AKAP6: variants seen among roughly 807,000 people sequenced by gnomAD.
AKAP6 encodes the protein A-kinase anchoring protein 6, also known as A-kinase anchor protein 6.
In AKAP6, 58 loss-of-function variants were observed where a neutral mutation model predicts 188.5. That is an observed-to-expected ratio of 0.31 (90% CI 0.25 to 0.38). The LOEUF is 0.38. AKAP6 is among the 10% of genes least tolerant of loss of function. The pLI is 1.00. For synonymous variants in AKAP6, 989 were observed against 998.6 expected, an observed-to-expected ratio of 0.99 and a Z score of 0.18; for missense variants, 2,710 against 2,740.0, an observed-to-expected ratio of 0.99 and a Z score of 0.24.
intron 12 of AKAP6, among the ~76,000 whole-genome samples, chr14:32,790,157 C>T (rs536021522): frequency 3.5e-4 from 53 of 152,116 alleles, no homozygotes; most frequent in African/African-American, 1.3e-3. Flanking sequence ...ATAATACAGG[C>T]AGACAAGAAT....
chr14:32,411,911 C>G (rs1889500351), intron 1 of AKAP6, among the ~76,000 whole-genome samples: 1 of 150,282 alleles, frequency 6.7e-6, no homozygotes. Flanking sequence ...TTTTTCTTCT[C>G]TAATATGTTT....
chr14:32,717,489 T>G (rs988060193), intron 9 of AKAP6, among the ~76,000 whole-genome samples: 2 of 152,082 alleles, frequency 1.3e-5, no homozygotes, highest in African/African-American at 4.8e-5. Context: ...TGGTGAAACC[T>G]TTGTAACTTC....
intron 12 of AKAP6, among the ~76,000 whole-genome samples, chr14:32,814,991 T>A (rs1451199478): frequency 6.6e-6 from 1 of 152,220 alleles, no homozygotes; most frequent in African/African-American, 2.4e-5. Flanking sequence ...CCTGTCCTCA[T>A]GAAGTTTATT....
chr14:32,557,318 G>T (rs567901839), intron 4 of AKAP6, among the ~76,000 whole-genome samples: 1 of 152,072 alleles, frequency 6.6e-6, no homozygotes. Flanking sequence ...GGCTGGTGTC[G>T]AACTCCTTGG....
At chr14:32,628,281 A>T (rs1400933477) in intron 7 of AKAP6, among the ~76,000 whole-genome samples, 1 of 152,132 alleles carries the variant, frequency 6.6e-6, no homozygotes, top group Non-Finnish European at 1.5e-5. Flanking sequence ...TTAACTTTTT[A>T]TTGAAGTTTT....
chr14:32,505,366 T>C (rs1280124874), intron 2 of AKAP6, among the ~76,000 whole-genome samples: 1 of 151,744 alleles, frequency 6.6e-6, no homozygotes, highest in Non-Finnish European at 1.5e-5. Flanking sequence ...AAGGTAGGGC[T>C]GCATCTATGG....
intron 2 of AKAP6, among the ~76,000 whole-genome samples, chr14:32,461,191 A>G (rs1181080094): frequency 6.6e-6 from 1 of 151,330 alleles, no homozygotes; most frequent in Non-Finnish European, 1.5e-5. Context: ...TGATCCTGAC[A>G]AGAGGGATTC....
rs1438910704 is a variant in AKAP6, at chr14:32,545,628, GTCA to G, written c.981_983del (p.Ser329del). On this transcript the variant is annotated inframe_deletion, in exon 4 of 14. Coordinates refer to ENST00000280979, the MANE Select transcript of AKAP6 (RefSeq NM_004274.5). Reference sequence around the variant, plus strand: ...AGCAACCAGGCTTAACACTGGGGGTGTCATCATCTTCAGGAGAAGCTCTGACAA... The same window carrying G: ...AGCAACCAGGCTTAACACTGGGGGTGTCATCTTCAGGAGAAGCTCTGACAA... 3 of 1,614,056 alleles carry G rather than the reference GTCA, an allele frequency of 1.9e-6. No individual in the cohort carries two copies. The African/African-American group carries it at 4.0e-5, about 22-fold the overall frequency.
intron 3 of AKAP6, among the ~76,000 whole-genome samples, chr14:32,543,701 AG>A (rs1451711788): frequency 1.3e-5 from 2 of 152,186 alleles, no homozygotes; most frequent in Non-Finnish European, 2.9e-5. Context: ...TTCTGGTGGC[AG>A]TGTGGAAAAC....
chr14:32,824,019 C>T lies in AKAP6; in HGVS notation c.6206C>T (p.Thr2069Ile), dbSNP rs760089194. The T allele has an allele frequency of 6.2e-7, 1 of 1,613,924 alleles. No homozygotes were observed. The highest frequency in any genetic ancestry group is 1.1e-5 in the South Asian group (1 of 91,078). ...AAGGAAATCATTGACATGGCTTCGA[C>T]AGCCCTAAAAAGTAAATCTCAACCT... ...FVKEIIDMASTALKSKSQPEN... is the reference protein window; with the variant it reads ...FVKEIIDMASIALKSKSQPEN... Residue 2069 changes from threonine (T) to isoleucine (I), a missense_variant, in exon 13 of 14, where the codon ACA becomes ATA. Thr to Ile is a moderately conservative substitution (Grantham distance 89). Transcript: ENST00000280979.
intron 5 of AKAP6, among the ~76,000 whole-genome samples, chr14:32,578,420 T>C (rs1478114683): frequency 6.6e-6 from 1 of 152,116 alleles, no homozygotes; most frequent in East Asian, 1.9e-4. Flanking sequence ...CGATGGTGTG[T>C]AAAAATGCAA....
intron 7 of AKAP6, 25 bp from the exon 8 acceptor site, chr14:32,678,286 A>T: frequency 6.3e-7 from 1 of 1,596,952 alleles, no homozygotes; most frequent in Non-Finnish European, 8.6e-7. Flanking sequence ...TTAAAACAGC[A>T]ATTTCTCTTT....
intron 1 of AKAP6, among the ~76,000 whole-genome samples, chr14:32,400,830 C>T (rs781316704): frequency 6.6e-5 from 10 of 152,168 alleles, no homozygotes; most frequent in East Asian, 5.8e-4. Flanking sequence ...TCCAGTAAGT[C>T]TGGAGTGGAT....
chr14:32,458,945 G>A (rs548777993), intron 2 of AKAP6, among the ~76,000 whole-genome samples: 1 of 152,230 alleles, frequency 6.6e-6, no homozygotes, highest in Non-Finnish European at 1.5e-5. Flanking sequence ...TGGGTGGGAG[G>A]AAAGACATTC....
intron 6 of AKAP6, among the ~76,000 whole-genome samples, chr14:32,600,376 G>A (rs1305535138): frequency 1.3e-5 from 2 of 151,868 alleles, no homozygotes; most frequent in Non-Finnish European, 2.9e-5. Context: ...ATTTTTTTAA[G>A]TCAATATACT....
intron 5 of AKAP6, among the ~76,000 whole-genome samples, chr14:32,583,643 T>C (rs7142049): frequency 0.61 from 92,000 of 152,064 alleles, 28,617 homozygotes; most frequent in East Asian, 0.91. Context: ...TCGAGCTTCC[T>C]GGCTGCTTTG....
At chr14:32,366,634 T>G (rs1887843428) in intron 1 of AKAP6, among the ~76,000 whole-genome samples, 1 of 152,230 alleles carries the variant, frequency 6.6e-6, no homozygotes, top group Non-Finnish European at 1.5e-5. Context: ...CTTGCTGTGC[T>G]TCTTTTCTAA....
At chr14:32,620,123 T>G (rs1275282518) in intron 7 of AKAP6, among the ~76,000 whole-genome samples, 1 of 152,058 alleles carries the variant, frequency 6.6e-6, no homozygotes, top group Non-Finnish European at 1.5e-5. Flanking sequence ...TGAGATAGTT[T>G]AACTCATATT....
At chr14:32,498,811 G>A (rs146262593) in intron 2 of AKAP6, among the ~76,000 whole-genome samples, 6 of 152,230 alleles carry the variant, frequency 3.9e-5, no homozygotes, top group Non-Finnish European at 8.8e-5. Flanking sequence ...ATCTCTCAAG[G>A]TGTAAGAGCC....
Sources: allele counts gnomAD v4.1 joint callset (sites outside exome capture counted in the v4.1 genomes callset), GRCh38; gene constraint gnomAD v4.1.1; transcripts MANE v1.5; gene names NCBI Gene and HGNC (gene_info 2026-07-23, HGNC 2026-07-21).